Variants in TSPAN18 observed in about 807,000 individuals in gnomAD.
The protein encoded by TSPAN18 is tetraspanin 18.
A neutral mutation model predicts 27.3 loss-of-function variants in TSPAN18; 14 were observed. That is an observed-to-expected ratio of 0.51 (90% CI 0.34 to 0.80). TSPAN18 has a LOEUF of 0.80. Among genes scored for constraint, TSPAN18 ranks in the 30% least tolerant of loss-of-function variants. TSPAN18 has a pLI of 0.01. For missense variants in TSPAN18, 268 were observed against 323.9 expected (o/e 0.83, Z 1.32); for synonymous variants, 143 against 136.5 (o/e 1.05, Z -0.33).
At chr11:44,837,782 G>C (rs934420116) in intron 2 of TSPAN18, among the ~76,000 whole-genome samples, 2 of 152,222 alleles carry the variant, frequency 1.3e-5, no homozygotes, top group African/African-American at 4.8e-5. Flanking sequence ...CTTGCTGAAG[G>C]CTCAGACGAT....
chr11:44,795,837 T>A (rs1856337494), intron 2 of TSPAN18, among the ~76,000 whole-genome samples: 1 of 152,076 alleles, frequency 6.6e-6, no homozygotes, highest in Non-Finnish European at 1.5e-5. Flanking sequence ...CACTGCCGGC[T>A]GGCACCAAGG....
Position 44,908,769 on chromosome 11 carries a change from G to GAAAGAAGGAA in TSPAN18, c.64-935_64-934insAAGAAGGAAA, listed in dbSNP as rs1554938043. 1.3e-4 allele frequency among the ~76,000 whole-genome samples: 9 copies of GAAAGAAGGAA among 71,698 alleles called. 1 individual carries two copies. The highest frequency in any genetic ancestry group is 6.0e-4 in the African/African-American group (9 of 15,056). The allele number at this position is 71,698 out of a possible 152,430, so 47.0% of individuals were successfully genotyped here. The stretch of plus-strand genomic sequence containing the variant: ...AAGAGAGAGAGAGAGAGAGAGAAAG[G>GAAAGAAGGAA]AGAAAGAAAGAAAGAAAGAAAGAAA... On this transcript the variant is annotated intron_variant, in intron 4 of 9. Coordinates refer to ENST00000520358, the MANE Select transcript of TSPAN18 (RefSeq NM_130783.5).
chr11:44,906,423 G>A lies in TSPAN18; in HGVS notation c.7G>A (p.Gly3Ser). Residue 3 changes from glycine (G) to serine (S), a missense_variant, in exon 4 of 10, where the codon GGC (glycine) becomes AGC (serine). Gly to Ser is a moderately conservative substitution (Grantham distance 56, BLOSUM62 0). Transcript: ENST00000520358. ...TATTTCTAGGTGGAGCACCATGGAA[G>A]GCGACTGTCTGAGCTGCATGAAGTA... ME[G>S]DCLSCMKYLM... 2 of 1,614,218 alleles carry A rather than the reference G, an allele frequency of 1.2e-6. No homozygotes were observed. The highest frequency in any genetic ancestry group is 1.3e-5 in the African/African-American group (1 of 75,072).
intron 2 of TSPAN18, among the ~76,000 whole-genome samples, chr11:44,792,894 G>A (rs974421668): frequency 3.3e-5 from 5 of 152,190 alleles, no homozygotes; most frequent in Admixed American, 6.5e-5. Flanking sequence ...CAGGAGGATG[G>A]GGAAGCCACA....
chr11:44,923,556 C>G (rs555190092), intron 8 of TSPAN18, among the ~76,000 whole-genome samples: 1 of 152,166 alleles, frequency 6.6e-6, no homozygotes, highest in Non-Finnish European at 1.5e-5. Context: ...AGAACCCAGC[C>G]GCTCATGCCA....
chr11:44,862,680 C>T (rs1198551507), intron 3 of TSPAN18, among the ~76,000 whole-genome samples: 1 of 152,252 alleles, frequency 6.6e-6, no homozygotes, highest in Non-Finnish European at 1.5e-5. Context: ...GCAGGACCCT[C>T]CTCTGGGTGT....
chr11:44,870,709 A>G (rs1485695883), intron 3 of TSPAN18, among the ~76,000 whole-genome samples: 3 of 152,216 alleles, frequency 2.0e-5, no homozygotes, highest in Non-Finnish European at 4.4e-5. Flanking sequence ...AGGTTGAGGC[A>G]CTTACCCACA....
At chr11:44,732,780 A>G (rs1443064411) in intron 1 of TSPAN18, among the ~76,000 whole-genome samples, 4 of 152,326 alleles carry the variant, frequency 2.6e-5, no homozygotes, top group South Asian at 2.1e-4. Context: ...CGATTCTGCA[A>G]TTTACTGGCT....
intron 1 of TSPAN18, among the ~76,000 whole-genome samples, chr11:44,751,890 G>A (rs1348486459): frequency 2.7e-5 from 4 of 150,558 alleles, no homozygotes; most frequent in African/African-American, 7.4e-5. Context: ...TCACACCACC[G>A]CACTCCAGCC....
chr11:44,894,554 G>A (rs768445606), intron 3 of TSPAN18, among the ~76,000 whole-genome samples: 4 of 152,312 alleles, frequency 2.6e-5, no homozygotes, highest in East Asian at 1.9e-4. Context: ...CCCCTGCTCC[G>A]TGCAGATGGG....
intron 2 of TSPAN18, among the ~76,000 whole-genome samples, chr11:44,830,098 A>G (rs1857125008): frequency 6.6e-6 from 1 of 152,070 alleles, no homozygotes; most frequent in African/African-American, 2.4e-5. Context: ...CACCATCCAC[A>G]TAGGCCTCAT....
At chr11:44,848,169 A>G (rs1857523582) in intron 2 of TSPAN18, among the ~76,000 whole-genome samples, 1 of 152,216 alleles carries the variant, frequency 6.6e-6, no homozygotes, top group Admixed American at 6.5e-5. Context: ...GTGTTAGGGA[A>G]GGCTGACAGG....
At chr11:44,804,165 G>A (rs1377811557) in intron 2 of TSPAN18, among the ~76,000 whole-genome samples, 1 of 151,996 alleles carries the variant, frequency 6.6e-6, no homozygotes, top group Non-Finnish European at 1.5e-5. Context: ...GTGCAATGGT[G>A]CGATCTCAGC....
At chr11:44,826,308 C>T (rs1590538760) in intron 2 of TSPAN18, among the ~76,000 whole-genome samples, 1 of 152,282 alleles carries the variant, frequency 6.6e-6, no homozygotes, top group East Asian at 1.9e-4. Context: ...CCTGTAATCC[C>T]AGCTACTTGG....
Position 44,808,703 on chromosome 11 carries a change from A to G in TSPAN18, c.-153+44191A>G, listed in dbSNP as rs543035946. On this transcript the variant is annotated intron_variant, in intron 2 of 9. Coordinates refer to ENST00000520358, the MANE Select transcript of TSPAN18 (RefSeq NM_130783.5). ...GGCAGCTGTGTGGAGAAAACGATAT[A>G]ATTTAACGTTTCTTGGAAATTGATA... 5.3e-5 allele frequency among the ~76,000 whole-genome samples: 8 copies of G among 152,258 alleles called. 1 individual carries two copies. The Middle Eastern group carries it at 0.01, about 194-fold the overall frequency.
rs1554976096 is a variant in TSPAN18 at position 44,731,633 on chromosome 11, T to TGAGAGAGAGA, written c.-240+4359_-240+4368dup. Among the ~76,000 whole-genome samples, 36 of 107,438 alleles carry TGAGAGAGAGA rather than the reference T, an allele frequency of 3.4e-4. 1 individual carries two copies. Among genetic ancestry groups the TGAGAGAGAGA allele is most frequent in the African/African-American group, 1.0e-3 (29 of 28,448 alleles). 70.5% of individuals were successfully genotyped at this position (107,438 alleles called of 152,430 possible). A position where few individuals can be genotyped will look rare whatever the true frequency, so the allele number is the denominator to read the frequency against. Reference sequence around the variant, plus strand: ...GTGTGTGTGTGTGTGTGTGTGTGTGTGAGAGAGAGAGAGAGAGAGAGAAAA... The same window carrying TGAGAGAGAGA: ...GTGTGTGTGTGTGTGTGTGTGTGTGTGAGAGAGAGAGAGAGAGAGAGAGAGAGAGAGAAAA... On this transcript the variant is annotated intron_variant, in intron 1 of 9. Coordinates refer to ENST00000520358, the MANE Select transcript of TSPAN18 (RefSeq NM_130783.5).
chr11:44,861,757 C>T (rs1418739157), intron 3 of TSPAN18, among the ~76,000 whole-genome samples: 1 of 148,266 alleles, frequency 6.7e-6, no homozygotes, highest in Non-Finnish European at 1.5e-5. Flanking sequence ...CTAAGTGCCT[C>T]ATTTTTAGTG....
At chr11:44,897,154 G>C (rs1859088286) in intron 3 of TSPAN18, among the ~76,000 whole-genome samples, 1 of 152,188 alleles carries the variant, frequency 6.6e-6, no homozygotes, top group African/African-American at 2.4e-5. Flanking sequence ...ATTCCCCGCA[G>C]GAGTGATAGA....
At chr11:44,908,783 G>GA (rs1282449712) in intron 4 of TSPAN18, among the ~76,000 whole-genome samples, 7 of 110,824 alleles carry the variant, frequency 6.3e-5, no homozygotes, top group African/African-American at 2.8e-4. Flanking sequence ...AAGAAAGAAA[G>GA]AAAGAAAGAA....
Sources: allele counts gnomAD v4.1 joint callset (sites outside exome capture counted in the v4.1 genomes callset), GRCh38; gene constraint gnomAD v4.1.1; transcripts MANE v1.5; gene names NCBI Gene and HGNC (gene_info 2026-07-23, HGNC 2026-07-21).